PRKN: variants seen among roughly 807,000 people sequenced by gnomAD.
PRKN encodes the protein E3 ubiquitin-protein ligase parkin.
A neutral mutation model predicts 59.5 loss-of-function variants in PRKN; 56 were observed. The ratio of observed to expected loss-of-function variants is 0.94; its 90% confidence interval spans 0.76 to 1.18. The LOEUF is 1.18. Ranked by LOEUF, PRKN falls within the 50% of genes most tolerant of loss-of-function variation. PRKN has a pLI of 0.00. For synonymous variants in PRKN, 250 were observed against 222.1 expected (o/e 1.13, Z -1.12); for missense variants, 657 against 596.4 (o/e 1.10, Z -1.06).
chr6:161,673,273 G>A (rs115866488), intron 7 of PRKN, among the ~76,000 whole-genome samples: 135 of 152,326 alleles, frequency 8.9e-4, no homozygotes, highest in African/African-American at 3.1e-3. Context: ...AGTGTGCGGG[G>A]TGGGGGCTGG....
chr6:161,803,130 C>T (rs1037628761), intron 6 of PRKN, among the ~76,000 whole-genome samples: 3 of 152,192 alleles, frequency 2.0e-5, no homozygotes, highest in Non-Finnish European at 2.9e-5. Flanking sequence ...GTATGTATGC[C>T]TTATCTTCCC....
intron 1 of PRKN, among the ~76,000 whole-genome samples, chr6:162,586,675 A>G (rs534713361): frequency 2.8e-4 from 42 of 152,350 alleles, no homozygotes; most frequent in African/African-American, 1.0e-3. Flanking sequence ...ATCTAATATC[A>G]AGAGCCAAAC....
chr6:161,961,448 A>G (rs756251676), intron 6 of PRKN, among the ~76,000 whole-genome samples: 1 of 152,202 alleles, frequency 6.6e-6, no homozygotes, highest in Non-Finnish European at 1.5e-5. Context: ...CACATAGCAA[A>G]TGATTCTATG....
chr6:161,920,510 G>T (rs751430171), intron 6 of PRKN, among the ~76,000 whole-genome samples: 8 of 152,110 alleles, frequency 5.3e-5, no homozygotes, highest in Non-Finnish European at 1.0e-4. Flanking sequence ...GTACCCCTGG[G>T]CCGGGCGCAG....
intron 1 of PRKN, among the ~76,000 whole-genome samples, chr6:162,479,175 T>C (rs1012235285): frequency 7.2e-5 from 11 of 151,978 alleles, no homozygotes; most frequent in Non-Finnish European, 8.8e-5. Flanking sequence ...CTTCTTCATA[T>C]CCTTACTCTA....
chr6:162,019,792 G>A (rs531058027), intron 5 of PRKN, among the ~76,000 whole-genome samples: 15 of 152,316 alleles, frequency 9.8e-5, no homozygotes, highest in African/African-American at 3.1e-4. Context: ...GCCAAGGTGG[G>A]TGGATCACCT....
intron 5 of PRKN, among the ~76,000 whole-genome samples, chr6:161,996,863 T>A (rs1781866380): frequency 1.3e-5 from 2 of 152,120 alleles, no homozygotes; most frequent in African/African-American, 4.8e-5. Flanking sequence ...TAAATTAACA[T>A]GGAGAAAGCA....
intron 9 of PRKN, among the ~76,000 whole-genome samples, chr6:161,433,513 A>G (rs1375574358): frequency 6.6e-6 from 1 of 152,144 alleles, no homozygotes; most frequent in African/African-American, 2.4e-5. Context: ...TATATACTGG[A>G]TGACCAATAA....
At chr6:161,999,210 C>A (rs1282399545) in intron 5 of PRKN, among the ~76,000 whole-genome samples, 1 of 152,050 alleles carries the variant, frequency 6.6e-6, no homozygotes, top group Non-Finnish European at 1.5e-5. Flanking sequence ...TAACAACGAA[C>A]AAAATCAGTG....
chr6:161,361,052 T>C lies in PRKN; in HGVS notation c.1168-847A>G, dbSNP rs1784959008. Among the ~76,000 whole-genome samples, 1 of 151,368 alleles carries C rather than the reference T, an allele frequency of 6.6e-6. No homozygotes were observed. Among genetic ancestry groups the C allele is most frequent in the Non-Finnish European group, 1.5e-5 (1 of 67,924 alleles). On this transcript the variant is annotated intron_variant, in intron 10 of 11. Coordinates refer to ENST00000366898, the MANE Select transcript of PRKN (RefSeq NM_004562.3). The surrounding 1 kb of genome is among the most constrained non-coding windows in gnomAD (Gnocchi z 5.2). ...GAGCTGGGTGCTGCCTGCACCATCA[T>C]GTATAAGGAGGTTTTCTGGTGGGGG...
rs191543339 is a variant in PRKN, at chr6:161,529,764, C to T, written c.1083+19090G>A. 6.6e-6 allele frequency among the ~76,000 whole-genome samples: 1 copy of T among 152,246 alleles called. No individual in the cohort carries two copies. The highest frequency in any genetic ancestry group is 2.4e-5 in the African/African-American group (1 of 41,560). ...CATTATTGGTACAACTGATTTTTGT[C>T]TCTGGCTGGAAAATTTTTCATGGGT... is the stretch of plus-strand genomic sequence containing the variant. On this transcript the variant is annotated intron_variant, in intron 9 of 11. Transcript: ENST00000366898. The surrounding 1 kb of genome is among the most constrained non-coding windows in gnomAD (Gnocchi z 4.4).
At chr6:162,171,613 T>C (rs777897647) in intron 4 of PRKN, among the ~76,000 whole-genome samples, 2 of 152,128 alleles carry the variant, frequency 1.3e-5, no homozygotes, top group African/African-American at 2.4e-5. Flanking sequence ...GTTTCTTTCG[T>C]AGGGCTGCAC....
rs751247109 is a variant in PRKN, at chr6:161,498,631, C to T, written c.1083+50223G>A. The stretch of plus-strand genomic sequence containing the variant: ...ACTCTCCATCCCTCCCACCATCCTG[C>T]TTCCTGAAGGAAGGGCTCCACCTGC... On this transcript the variant is annotated intron_variant, in intron 9 of 11. Coordinates refer to ENST00000366898, the MANE Select transcript of PRKN (RefSeq NM_004562.3). The surrounding 1 kb of genome is among the most constrained non-coding windows in gnomAD (Gnocchi z 4.2). Among the ~76,000 whole-genome samples, 17 of 152,200 alleles carry T rather than the reference C, an allele frequency of 1.1e-4. No individual in the cohort carries two copies. Among genetic ancestry groups the T allele is most frequent in the Non-Finnish European group, 2.1e-4 (14 of 68,036 alleles).
chr6:161,578,985 G>C lies in PRKN; in HGVS notation c.872-9569C>G, dbSNP rs1781238936. Among the ~76,000 whole-genome samples the C allele has an allele frequency of 6.6e-6, 1 of 152,150 alleles. No homozygotes were observed. Among genetic ancestry groups the C allele is most frequent in the Admixed American group, 6.5e-5 (1 of 15,268 alleles). The stretch of plus-strand genomic sequence containing the variant: ...ACAGGGCAAGTGTTTTCAACATCCA[G>C]CATCCCTCAGATCACAAATTTAATT... On this transcript the variant is annotated intron_variant, in intron 7 of 11. Transcript: ENST00000366898. The surrounding 1 kb of genome is among the most constrained non-coding windows in gnomAD (Gnocchi z 4.2).
chr6:162,472,346 C>CCTCCCCG (rs1791788402), intron 1 of PRKN, among the ~76,000 whole-genome samples: 1 of 137,950 alleles, frequency 7.2e-6, no homozygotes, highest in Non-Finnish European at 1.6e-5. Context: ...TAATGCTACC[C>CCTCCCCG]CTCCCCCCAC....
At chr6:161,617,083 C>T (rs915173409) in intron 7 of PRKN, among the ~76,000 whole-genome samples, 5 of 152,162 alleles carry the variant, frequency 3.3e-5, no homozygotes, top group Non-Finnish European at 7.4e-5. Context: ...TGTTTCCTGA[C>T]TTTTTAATGA....
intron 7 of PRKN, among the ~76,000 whole-genome samples, chr6:161,776,029 C>T (rs911921462): frequency 1.8e-4 from 28 of 152,278 alleles, no homozygotes; most frequent in African/African-American, 5.8e-4. Context: ...TTGAATGGTA[C>T]TAATGGTGAG....
intron 9 of PRKN, among the ~76,000 whole-genome samples, chr6:161,420,717 C>T (rs192739881): frequency 7.4e-4 from 113 of 152,052 alleles, no homozygotes; most frequent in Admixed American, 6.7e-3. Flanking sequence ...CCTATGTTGC[C>T]CAGTCTGGTT....
At chr6:161,512,236 A>G (rs368057175) in intron 9 of PRKN, among the ~76,000 whole-genome samples, 3 of 152,200 alleles carry the variant, frequency 2.0e-5, no homozygotes, top group South Asian at 4.1e-4. Context: ...TGCAAATATG[A>G]TAAAACAGCA....
Sources: gnomAD v4.1 joint callset for allele counts (sites outside exome capture counted in the v4.1 genomes callset) on GRCh38, gnomAD v4.1.1 for gene constraint, Gnocchi (gnomAD v3.1) non-coding constraint, MANE v1.5 for transcripts, NCBI Gene and HGNC (gene_info 2026-07-23, HGNC 2026-07-21) for gene names.